The following ACTR3B variants were observed in gnomAD, a reference collection of about 807,000 sequenced individuals.
ACTR3B encodes actin-related protein 3B.
A neutral mutation model predicts 59.0 loss-of-function variants in ACTR3B; 8 were observed. That is an observed-to-expected ratio of 0.14 (90% confidence interval 0.08 to 0.24). The LOEUF (loss-of-function observed/expected upper bound fraction) is 0.24. Among genes scored for constraint, ACTR3B ranks in the 10% least tolerant of loss-of-function variants. The pLI is 1.00. For synonymous variants in ACTR3B, 148 were observed against 197.9 expected (o/e 0.75, Z 2.12); for missense variants, 245 against 552.3 (o/e 0.44, Z 5.58).
At chr7:152,774,603 A>G (rs888942065) in intron 1 of ACTR3B, among the ~76,000 whole-genome samples, 1 of 152,186 alleles carries the variant, frequency 6.6e-6, no homozygotes, top group African/African-American at 2.4e-5. Flanking sequence ...TTACCTTACA[A>G]TAATGTTCAG....
At chr7:152,778,220 A>T (rs1590220606) in intron 1 of ACTR3B, among the ~76,000 whole-genome samples, 1 of 122,914 alleles carries the variant, frequency 8.1e-6, no homozygotes, top group African/African-American at 3.0e-5. Flanking sequence ...TCCTGGATTG[A>T]GCCTAGATTT....
At chr7:152,835,217 A>G (rs1006070334) in intron 9 of ACTR3B, among the ~76,000 whole-genome samples, 2 of 152,218 alleles carry the variant, frequency 1.3e-5, no homozygotes, top group South Asian at 2.1e-4. Flanking sequence ...GACTGCACTC[A>G]TTCCCCAGCC....
At chr7:152,848,953 T>C (rs1299168937) in intron 9 of ACTR3B, among the ~76,000 whole-genome samples, 1 of 152,182 alleles carries the variant, frequency 6.6e-6, no homozygotes, top group Admixed American at 6.5e-5. Context: ...TTATTCATGA[T>C]GCTGATCCTG....
chr7:152,839,293 C>T (rs1797702992), intron 9 of ACTR3B, among the ~76,000 whole-genome samples: 1 of 142,458 alleles, frequency 7.0e-6, no homozygotes, highest in Non-Finnish European at 1.5e-5. Flanking sequence ...GTGTTGAGTG[C>T]GTGGATCCTG....
At chr7:152,773,775 C>G (rs577519286) in intron 1 of ACTR3B, among the ~76,000 whole-genome samples, 1 of 152,142 alleles carries the variant, frequency 6.6e-6, no homozygotes, top group Admixed American at 6.5e-5. Flanking sequence ...ACTGTGGGTG[C>G]AGAGAACCTT....
chr7:152,825,853 T>G (rs1230650484), intron 9 of ACTR3B, among the ~76,000 whole-genome samples: 5 of 152,198 alleles, frequency 3.3e-5, no homozygotes, highest in Admixed American at 6.5e-5. Context: ...TGCTCATGTA[T>G]TATTATGATT....
intron 4 of ACTR3B, among the ~76,000 whole-genome samples, chr7:152,808,515 T>G (rs544892100): frequency 6.6e-6 from 1 of 151,910 alleles, no homozygotes; most frequent in Non-Finnish European, 1.5e-5. Flanking sequence ...GGAGCCAGGG[T>G]TAATCTGATT....
chr7:152,773,961 GA>G (rs1295878328), intron 1 of ACTR3B, among the ~76,000 whole-genome samples: 3 of 152,174 alleles, frequency 2.0e-5, no homozygotes, highest in Admixed American at 6.5e-5. Context: ...ACGAGTTCCA[GA>G]GCCTTTAAGG....
chr7:152,822,945 G>C (rs1250079419), intron 7 of ACTR3B, among the ~76,000 whole-genome samples: 1 of 152,234 alleles, frequency 6.6e-6, no homozygotes, highest in Non-Finnish European at 1.5e-5. Context: ...CGGTAGTTGA[G>C]CTTGCAGCAC....
At chr7:152,849,297 T>G (rs1012622679) in intron 9 of ACTR3B, among the ~76,000 whole-genome samples, 2 of 151,834 alleles carry the variant, frequency 1.3e-5, no homozygotes, top group Non-Finnish European at 2.9e-5. Context: ...TCCCTGTGAG[T>G]AGAAGTGTGG....
intron 2 of ACTR3B, among the ~76,000 whole-genome samples, chr7:152,784,730 TTC>T (rs1161085697): frequency 1.3e-5 from 2 of 152,174 alleles, no homozygotes; most frequent in African/African-American, 2.4e-5. Flanking sequence ...GAGGGCTGCC[TTC>T]TCTCTGTGTC....
chr7:152,852,686 CTGG>C (rs1352358995), intron 10 of ACTR3B, among the ~76,000 whole-genome samples: 4 of 152,200 alleles, frequency 2.6e-5, no homozygotes, highest in African/African-American at 9.6e-5. Context: ...TCTTAAGTAG[CTGG>C]TGATCACTGT....
chr7:152,777,620 T>G (rs990007101), intron 1 of ACTR3B, among the ~76,000 whole-genome samples: 1 of 152,202 alleles, frequency 6.6e-6, no homozygotes, highest in Non-Finnish European at 1.5e-5. Context: ...GTTTTTCACT[T>G]AATCTCCTTA....
chr7:152,800,561 T>C lies in ACTR3B; in HGVS notation c.131T>C (p.Val44Ala), dbSNP rs745319117. 1.9e-6 allele frequency: 3 copies of C among 1,614,084 alleles called. No homozygotes were observed. Among genetic ancestry groups the C allele is most frequent in the Admixed American group, 1.7e-5 (1 of 60,018 alleles). ...CIAIRESAKVVDQAQRRVLRG... is the reference protein window; with the variant it reads ...CIAIRESAKVADQAQRRVLRG... ...GCCATCAGAGAGTCAGCAAAGGTAG[T>C]TGACCAAGCTCAAAGGAGAGTGTTG... The change falls in exon 3 of 12, where the codon GTT becomes GCT. Residue 44 changes from valine (V) to alanine (A), a missense_variant. Physicochemically the swap from Val to Ala is moderately conservative, Grantham distance 64. Coordinates refer to ENST00000256001, the MANE Select transcript of ACTR3B (RefSeq NM_020445.6).
chr7:152,777,865 G>A (rs140025764), intron 1 of ACTR3B, among the ~76,000 whole-genome samples: 4,479 of 151,660 alleles, frequency 0.03, 98 homozygotes, highest in Middle Eastern at 0.099. Context: ...CAGAAGAATC[G>A]CTCAAACATG....
At chr7:152,848,240 T>G (rs1288881439) in intron 9 of ACTR3B, among the ~76,000 whole-genome samples, 1 of 152,142 alleles carries the variant, frequency 6.6e-6, no homozygotes, top group African/African-American at 2.4e-5. Flanking sequence ...TCAGGGAACC[T>G]GGCCCTGTGG....
chr7:152,782,389 T>G (rs1226057988), intron 1 of ACTR3B, among the ~76,000 whole-genome samples: 1 of 152,112 alleles, frequency 6.6e-6, no homozygotes, highest in Non-Finnish European at 1.5e-5. Flanking sequence ...TTCCAGCAGA[T>G]GGTTCTGAGT....
intron 4 of ACTR3B, among the ~76,000 whole-genome samples, chr7:152,808,623 A>G (rs960140862): frequency 6.6e-6 from 1 of 152,214 alleles, no homozygotes; most frequent in African/African-American, 2.4e-5. Context: ...TCTACTCAGA[A>G]ATCTTCATAC....
chr7:152,788,521 C>T (rs1349227447), intron 2 of ACTR3B, among the ~76,000 whole-genome samples: 2 of 150,794 alleles, frequency 1.3e-5, no homozygotes, highest in Non-Finnish European at 2.9e-5. Flanking sequence ...AAGCGATTCT[C>T]CTGCCCTCAG....
Sources: gnomAD v4.1 joint callset for allele counts (sites outside exome capture counted in the v4.1 genomes callset) on GRCh38, gnomAD v4.1.1 for gene constraint, MANE v1.5 for transcripts, NCBI Gene and HGNC (gene_info 2026-07-23, HGNC 2026-07-21) for gene names.